Variants in AGMO observed in about 807,000 individuals in gnomAD.
AGMO encodes the protein alkylglycerol monooxygenase.
A neutral mutation model predicts 60.2 loss-of-function variants in AGMO; 75 were observed. That is an observed-to-expected ratio of 1.25 (90% CI 1.03 to 1.51). The LOEUF (loss-of-function observed/expected upper bound fraction) is 1.51. AGMO is among the 40% of genes most tolerant of loss of function. AGMO has a pLI of 0.00. For synonymous variants in AGMO, 261 were observed against 177.1 expected (o/e 1.47, Z -3.76); for missense variants, 763 against 525.5 (o/e 1.45, Z -4.42).
the AGMO span, among the ~76,000 whole-genome samples, chr7:15,136,905 T>C: frequency 2.6e-5 from 4 of 152,326 alleles, no homozygotes; most frequent in South Asian, 8.3e-4. Flanking sequence ...GAGGTTTCCC[T>C]ACACTGAAAT....
intron 3 of AGMO, among the ~76,000 whole-genome samples, chr7:15,489,080 A>T (rs546876523): frequency 1.3e-5 from 2 of 152,284 alleles, no homozygotes; most frequent in East Asian, 3.9e-4. Context: ...ACTAGTATGA[A>T]CACTGCCATA....
the AGMO span, among the ~76,000 whole-genome samples, chr7:15,152,690 C>G: frequency 1.3e-5 from 2 of 152,146 alleles, no homozygotes; most frequent in African/African-American, 2.4e-5. Flanking sequence ...CTACTTATGG[C>G]TGAGTGGTAT....
At chr7:15,300,366 G>A (rs1313711484) in intron 12 of AGMO, among the ~76,000 whole-genome samples, 1 of 152,142 alleles carries the variant, frequency 6.6e-6, no homozygotes, top group Non-Finnish European at 1.5e-5. Context: ...CCAAATTTGG[G>A]TATGTTGAAC....
the AGMO span, among the ~76,000 whole-genome samples, chr7:15,132,174 A>G: frequency 6.6e-6 from 1 of 151,870 alleles, no homozygotes; most frequent in Admixed American, 6.6e-5. Flanking sequence ...CAAGAAGACA[A>G]CTCTGGTGTT....
intron 12 of AGMO, among the ~76,000 whole-genome samples, chr7:15,248,901 ACT>A (rs1782848729): frequency 6.6e-6 from 1 of 152,096 alleles, no homozygotes; most frequent in Non-Finnish European, 1.5e-5. Flanking sequence ...GTCCTATTTT[ACT>A]CTCTGATTTC....
the AGMO span, among the ~76,000 whole-genome samples, chr7:15,158,523 AGGT>A: frequency 6.6e-6 from 1 of 152,218 alleles, no homozygotes; most frequent in Non-Finnish European, 1.5e-5. Context: ...TTGGTTTTTC[AGGT>A]TTTGTTTTTT....
chr7:15,503,410 T>C (rs1372117783), intron 3 of AGMO, among the ~76,000 whole-genome samples: 2 of 152,054 alleles, frequency 1.3e-5, no homozygotes, highest in South Asian at 2.1e-4. Context: ...GATTTGAGAA[T>C]AGGCTTGCTT....
At chr7:15,433,856 AT>A (rs1781325212) in intron 3 of AGMO, among the ~76,000 whole-genome samples, 1 of 151,980 alleles carries the variant, frequency 6.6e-6, no homozygotes, top group Admixed American at 6.6e-5. Flanking sequence ...AATTCTGTAT[AT>A]TTTATTAATA....
intron 12 of AGMO, among the ~76,000 whole-genome samples, chr7:15,360,424 T>C (rs1782704195): frequency 6.6e-6 from 1 of 152,186 alleles, no homozygotes; most frequent in South Asian, 2.1e-4. Flanking sequence ...AGTGGTAACA[T>C]GAACAGACGA....
At chr7:15,299,830 T>TACACACACACACACACAC (rs756832586) in intron 12 of AGMO, among the ~76,000 whole-genome samples, 8 of 48,188 alleles carry the variant, frequency 1.7e-4, no homozygotes, top group African/African-American at 1.0e-3. Context: ...TCTGTCTACA[T>TACACACACACACACACAC]ACACACACAC....
chr7:15,182,553 C>T, the AGMO span, among the ~76,000 whole-genome samples: 1 of 152,080 alleles, frequency 6.6e-6, no homozygotes, highest in African/African-American at 2.4e-5. Context: ...GTAGCCGGGA[C>T]TGCATGTGTG....
the AGMO span, among the ~76,000 whole-genome samples, chr7:15,161,755 G>A: frequency 2.0e-5 from 3 of 151,192 alleles, no homozygotes; most frequent in South Asian, 2.1e-4. Flanking sequence ...CTCCACACAC[G>A]CACACCCTAT....
chr7:15,443,547 A>G (rs538749741), intron 3 of AGMO, among the ~76,000 whole-genome samples: 18 of 152,114 alleles, frequency 1.2e-4, no homozygotes, highest in South Asian at 2.1e-4. Context: ...TTGCTGTTCT[A>G]TAACTACTTC....
chr7:15,258,999 G>C (rs1783188931), intron 12 of AGMO, among the ~76,000 whole-genome samples: 1 of 151,934 alleles, frequency 6.6e-6, no homozygotes, highest in East Asian at 1.9e-4. Context: ...ACAAAAGAAG[G>C]TTGTTTCACA....
intron 12 of AGMO, among the ~76,000 whole-genome samples, chr7:15,316,629 T>A (rs1422061368): frequency 1.3e-5 from 2 of 151,078 alleles, no homozygotes; most frequent in East Asian, 3.9e-4. Flanking sequence ...CACACACAAG[T>A]TCATTATTCA....
chr7:15,393,912 T>G (rs1784254374), intron 6 of AGMO, among the ~76,000 whole-genome samples: 1 of 147,060 alleles, frequency 6.8e-6, no homozygotes, highest in Non-Finnish European at 1.5e-5. Flanking sequence ...TAAATCCCCC[T>G]ACCCCACCCC....
chr7:15,526,898 G>T (rs900817492), intron 3 of AGMO, among the ~76,000 whole-genome samples: 1 of 152,062 alleles, frequency 6.6e-6, no homozygotes, highest in Non-Finnish European at 1.5e-5. Context: ...CTGTAATGGT[G>T]ACCTATGACC....
chr7:15,445,783 G>C (rs1781683511), intron 3 of AGMO, among the ~76,000 whole-genome samples: 1 of 152,092 alleles, frequency 6.6e-6, no homozygotes, highest in African/African-American at 2.4e-5. Flanking sequence ...TGTTCATATG[G>C]TTCTGTTGCT....
At position 15,523,713 on chromosome 7, in the gene AGMO, A is replaced by T. The variant is rs529092188; in HGVS notation, c.409+21059T>A. 7.2e-5 allele frequency among the ~76,000 whole-genome samples: 11 copies of T among 152,250 alleles called. No individual in the cohort carries two copies. The East Asian group carries it at 2.1e-3, about 29-fold the overall frequency. ...GGAGTCAAGGGGAGGAAGGGATAGC[A>T]TTAGGAGAAATACCTAATGTAGATG... is the stretch of plus-strand genomic sequence containing the variant. On this transcript the variant is annotated intron_variant, in intron 3 of 12. Coordinates refer to ENST00000342526, the MANE Select transcript of AGMO (RefSeq NM_001004320.2).
Sources: allele counts gnomAD v4.1 joint callset (sites outside exome capture counted in the v4.1 genomes callset), GRCh38; gene constraint gnomAD v4.1.1; transcripts MANE v1.5; gene names NCBI Gene and HGNC (gene_info 2026-07-23, HGNC 2026-07-21).